The following PCDHGB5 variants were observed in gnomAD, a reference collection of about 807,000 sequenced individuals.
The protein encoded by PCDHGB5 is protocadherin gamma subfamily B, 5, also known as protocadherin gamma-B5.
A neutral mutation model predicts 62.9 loss-of-function variants in PCDHGB5; 48 were observed. The observed-to-expected ratio is 0.76, with a 90% CI of 0.61 to 0.97. The LOEUF (loss-of-function observed/expected upper bound fraction) is 0.97. Ranked by LOEUF, PCDHGB5 falls within the 50% of genes least tolerant of loss-of-function variation. PCDHGB5 has a pLI of 0.00. For missense variants in PCDHGB5, 1,118 were observed against 1,198.6 expected, an observed-to-expected ratio of 0.93 and a Z score of 0.99; for synonymous variants, 474 against 511.2, an observed-to-expected ratio of 0.93 and a Z score of 0.98.
chr5:141,403,717 G>GC (rs1561689685), intron 1 of PCDHGB5: 2 of 1,613,936 alleles, frequency 1.2e-6, no homozygotes, highest in South Asian at 2.2e-5. Flanking sequence ...TTGAGAACGT[G>GC]CCCCCAGGCA....
At chr5:141,479,023 GT>G (rs1436478867) in intron 1 of PCDHGB5, among the ~76,000 whole-genome samples, 1 of 152,056 alleles carries the variant, frequency 6.6e-6, no homozygotes, top group Non-Finnish European at 1.5e-5. Context: ...ATTTTCCTTT[GT>G]TTATACAGAT....
intron 1 of PCDHGB5, chr5:141,428,659 G>A: frequency 6.1e-6 from 1 of 164,982 alleles, no homozygotes; most frequent in East Asian, 1.8e-4. Context: ...GAGTTCCAAT[G>A]AATGTCTTTC....
intron 1 of PCDHGB5, among the ~76,000 whole-genome samples, chr5:141,437,716 C>T (rs575174227): frequency 1.2e-4 from 18 of 151,782 alleles, no homozygotes; most frequent in Admixed American, 1.0e-3. Flanking sequence ...CACAGTTACC[C>T]TCTAATGTTA....
At position 141,398,979 on chromosome 5, in the gene PCDHGB5, C is replaced by T. The variant is rs769465343; in HGVS notation, c.852C>T (p.Thr284=). The T allele has an allele frequency of 1.9e-6, 3 of 1,613,778 alleles. No individual in the cohort carries two copies. The highest frequency in any genetic ancestry group is 1.3e-5 in the African/African-American group (1 of 74,920). Residue 284 remains threonine (T), a synonymous_variant, in exon 1 of 4, where the codon ACC becomes ACT. Coordinates refer to ENST00000617380, the MANE Select transcript of PCDHGB5 (RefSeq NM_018925.3). ...AAATTACTTATTCCTTCTACAGAAC[C>T]GGGCAAATCTTTAGTCTGAATTCAA... The part of the protein sequence containing the change: ...NSEITYSFYR[T]GQIFSLNSKS...
At chr5:141,495,960 C>G (rs1380397345) in intron 2 of PCDHGB5, among the ~76,000 whole-genome samples, 2 of 151,998 alleles carry the variant, frequency 1.3e-5, no homozygotes, top group East Asian at 3.9e-4. Context: ...CTTTTTCTGC[C>G]TCTTTCTCTG....
At position 141,493,332 on chromosome 5, in the gene PCDHGB5, C is replaced by T. The variant is rs2099747680; in HGVS notation, c.2398-1475C>T. 6.6e-6 allele frequency among the ~76,000 whole-genome samples: 1 copy of T among 152,210 alleles called. No homozygotes were observed. The highest frequency in any genetic ancestry group is 1.5e-5 in the Non-Finnish European group (1 of 68,036). Reference sequence around the variant, plus strand: ...AAGAGAGATTCTAACCCCTGTCTAACTCCAGAATGTGTGCTTTTAATTTCT... The same window carrying T: ...AAGAGAGATTCTAACCCCTGTCTAATTCCAGAATGTGTGCTTTTAATTTCT... On this transcript the variant is annotated intron_variant, in intron 1 of 3. Transcript: ENST00000617380. This position sits in a 1 kb window ranked among gnomAD's most constrained non-coding sequence, Gnocchi z 4.3.
rs527630741 is a variant in PCDHGB5, at chr5:141,493,568, G to A, written c.2398-1239G>A. ...TTGGAGATTGAGTTCCCCCAGCTCC[G>A]TTTCCTCCTATCACAATCACTGCAT... is the stretch of plus-strand genomic sequence containing the variant. On this transcript the variant is annotated intron_variant, in intron 1 of 3. Coordinates refer to ENST00000617380, the MANE Select transcript of PCDHGB5 (RefSeq NM_018925.3). This position sits in a 1 kb window ranked among gnomAD's most constrained non-coding sequence, Gnocchi z 4.3. 3.9e-5 allele frequency among the ~76,000 whole-genome samples: 6 copies of A among 152,250 alleles called. No homozygotes were observed. Among genetic ancestry groups the A allele is most frequent in the African/African-American group, 9.6e-5 (4 of 41,550 alleles).
At chr5:141,414,064 C>T in intron 1 of PCDHGB5, 1 of 1,607,864 alleles carries the variant, frequency 6.2e-7, no homozygotes, top group Non-Finnish European at 8.5e-7. Context: ...GTTGAAGTTC[C>T]AACTAAACAA....
intron 2 of PCDHGB5, among the ~76,000 whole-genome samples, chr5:141,504,960 T>C (rs9324851): frequency 0.59 from 89,328 of 151,916 alleles, 27,885 homozygotes; most frequent in African/African-American, 0.8. Context: ...TTCAATGCAT[T>C]GGACCAGCCT....
chr5:141,410,161 A>C (rs2095363664), intron 1 of PCDHGB5: 1 of 1,613,220 alleles, frequency 6.2e-7, no homozygotes, highest in African/African-American at 1.3e-5. Context: ...GACAGCCGCC[A>C]CTCTCTGCCA....
intron 1 of PCDHGB5, among the ~76,000 whole-genome samples, chr5:141,429,527 T>TA (rs1321273157): frequency 1.3e-5 from 2 of 152,038 alleles, no homozygotes; most frequent in African/African-American, 4.8e-5. Flanking sequence ...GAAAAAAGCT[T>TA]AAAAAAATAA....
At chr5:141,428,186 CCGCTCTCTGCGCCGCTA>C (rs1167279209) in intron 1 of PCDHGB5, 1 of 1,460,956 alleles carries the variant, frequency 6.8e-7, no homozygotes, top group Admixed American at 1.8e-5. Context: ...AGGACAGCCG[CCGCTCTCTGCGCCGCTA>C]CGCTTCACCT....
At chr5:141,466,515 TTTTCCTCCCAAATTGA>T (rs2099124043) in intron 1 of PCDHGB5, among the ~76,000 whole-genome samples, 1 of 152,232 alleles carries the variant, frequency 6.6e-6, no homozygotes, top group Admixed American at 6.5e-5. Context: ...AGATCATTTT[TTTTCCTCCCAAATTGA>T]TGTAGATGGT....
At chr5:141,479,740 C>T (rs1434967266) in intron 1 of PCDHGB5, 1 of 152,168 alleles carries the variant, frequency 6.6e-6, no homozygotes, top group Non-Finnish European at 1.5e-5. Context: ...AGTATATGCA[C>T]AATGTGAAAG....
intron 1 of PCDHGB5, among the ~76,000 whole-genome samples, chr5:141,482,530 C>CGAAAAAAA (rs2099566141): frequency 1.3e-5 from 1 of 76,562 alleles, no homozygotes; most frequent in African/African-American, 4.8e-5. Context: ...GACAGACATG[C>CGAAAAAAA]AAAAAAAAAA....
At chr5:141,478,891 A>G (rs1045274228) in intron 1 of PCDHGB5, 10 of 1,122,064 alleles carry the variant, frequency 8.9e-6, no homozygotes, top group Admixed American at 3.1e-5. Context: ...TATCATTTAC[A>G]TTAGGAATAA....
In PCDHGB5 at chr5:141,432,897, C is replaced by A. The variant is rs780142081; in HGVS notation, c.2397+32373C>A. 1.2e-6 allele frequency: 2 copies of A among 1,614,178 alleles called. No individual in the cohort carries two copies. Among genetic ancestry groups the A allele is most frequent in the Non-Finnish European group, 1.7e-6 (2 of 1,180,010 alleles). On this transcript the variant is annotated intron_variant, in intron 1 of 3. Coordinates refer to ENST00000617380, the MANE Select transcript of PCDHGB5 (RefSeq NM_018925.3). The surrounding 1 kb of genome is among the most constrained non-coding windows in gnomAD (Gnocchi z 6.0). ...CTGGCCTTCGTCATCTTGCTGCTGGCGCTCAGGCTGCGGCGCTGGCACAAG... is the reference window on the plus strand; with the variant it reads ...CTGGCCTTCGTCATCTTGCTGCTGGAGCTCAGGCTGCGGCGCTGGCACAAG...
chr5:141,503,130 C>A (rs1406819266), intron 2 of PCDHGB5, among the ~76,000 whole-genome samples: 1 of 151,980 alleles, frequency 6.6e-6, no homozygotes, highest in Non-Finnish European at 1.5e-5. Context: ...CCTCTGGTAG[C>A]CCCTGACACA....
rs1385144710 is a variant in PCDHGB5 at position 141,399,080 on chromosome 5, G to C, written c.953G>C (p.Arg318Thr). 1 of 1,613,696 alleles carries C rather than the reference G, an allele frequency of 6.2e-7. No homozygotes were observed. Residue 318 changes from arginine (R) to threonine (T), a missense_variant, in exon 1 of 4, where the codon AGG becomes ACG. Arg to Thr is a moderately conservative substitution (Grantham distance 71). Transcript: ENST00000617380. ...GAATATTCAATGGTTGTAGAAGGGA[G>C]GGATGGTGGTGGACTGGTTGCACAA... Reference protein sequence around the residue: ...TKEYSMVVEGRDGGGLVAQCT... With the variant: ...TKEYSMVVEGTDGGGLVAQCT...
Sources: allele counts gnomAD v4.1 joint callset (sites outside exome capture counted in the v4.1 genomes callset), GRCh38; gene constraint gnomAD v4.1.1; non-coding constraint Gnocchi (gnomAD v3.1); transcripts MANE v1.5; gene names NCBI Gene and HGNC (gene_info 2026-07-23, HGNC 2026-07-21).